The following MATN2 variants were observed in gnomAD, a reference collection of about 807,000 sequenced individuals.
MATN2 encodes matrilin 2, also known as matrilin-2.
MATN2 carries 69 observed loss-of-function variants against 103.2 expected under a neutral mutation model. The ratio of observed to expected loss-of-function variants is 0.67; its 90% CI spans 0.55 to 0.82. The LOEUF (loss-of-function observed/expected upper bound fraction) is 0.82, where lower values mean the gene tolerates loss of function less well. Ranked by LOEUF, MATN2 falls within the 40% of genes least tolerant of loss-of-function variation. MATN2 has a pLI of 0.00. For missense variants in MATN2, 1,023 were observed against 1,211.5 expected (o/e 0.84, Z 2.31); for synonymous variants, 429 against 450.2 (o/e 0.95, Z 0.60).
chr8:98,017,520 G>C (rs1586160802), intron 11 of MATN2, among the ~76,000 whole-genome samples: 1 of 152,174 alleles, frequency 6.6e-6, no homozygotes, highest in East Asian at 1.9e-4. Context: ...TGACACTTTT[G>C]GAAGAAAAGA....
At chr8:97,981,574 G>T (rs1812023993) in intron 6 of MATN2, among the ~76,000 whole-genome samples, 1 of 152,210 alleles carries the variant, frequency 6.6e-6, no homozygotes, top group African/African-American at 2.4e-5. Flanking sequence ...GTGACCAAGG[G>T]CCTACAGTGT....
intron 1 of MATN2, among the ~76,000 whole-genome samples, chr8:97,875,889 G>T (rs1818052423): frequency 2.0e-5 from 3 of 151,548 alleles, no homozygotes; most frequent in Admixed American, 6.6e-5. Context: ...TAGAGATGGG[G>T]TTTCACCGTG....
chr8:97,955,286 T>G (rs988822328), intron 4 of MATN2, among the ~76,000 whole-genome samples: 2 of 152,254 alleles, frequency 1.3e-5, no homozygotes, highest in East Asian at 3.9e-4. Context: ...GATGCTAGGC[T>G]GGGATGAATA....
At chr8:97,928,052 T>C (rs1267759215) in intron 2 of MATN2, among the ~76,000 whole-genome samples, 1 of 152,040 alleles carries the variant, frequency 6.6e-6, no homozygotes, top group Non-Finnish European at 1.5e-5. Context: ...AGTTCAGACA[T>C]GAAGGGTCGG....
At chr8:97,934,518 T>A (rs1241714985) in intron 3 of MATN2, among the ~76,000 whole-genome samples, 2 of 152,222 alleles carry the variant, frequency 1.3e-5, no homozygotes, top group South Asian at 4.1e-4. Context: ...ATTTGTTCCT[T>A]AAACATTCAT....
chr8:98,033,208 A>T, intron 17 of MATN2, 32 bp downstream of exon 17: 1 of 1,558,680 alleles, frequency 6.4e-7, no homozygotes, highest in Non-Finnish European at 8.7e-7. Flanking sequence ...CTATAAGATA[A>T]CTTGATCTCA....
chr8:97,884,976 G>T (rs1818377284), intron 1 of MATN2, among the ~76,000 whole-genome samples: 1 of 152,184 alleles, frequency 6.6e-6, no homozygotes, highest in African/African-American at 2.4e-5. Flanking sequence ...CTCAGGGTTG[G>T]ACAGCTAGCA....
chr8:97,984,808 C>CA (rs147413768), intron 6 of MATN2, among the ~76,000 whole-genome samples: 3,122 of 151,874 alleles, frequency 0.021, 99 homozygotes, highest in African/African-American at 0.069. Flanking sequence ...TTAAACAGAC[C>CA]AAAAAGAAAC....
intron 10 of MATN2, among the ~76,000 whole-genome samples, chr8:98,012,949 T>C (rs1319589222): frequency 1.3e-5 from 2 of 152,164 alleles, no homozygotes; most frequent in African/African-American, 2.4e-5. Flanking sequence ...CAAACAAGGA[T>C]ATTGCCTGGC....
At chr8:97,915,616 T>C (rs1010832699) in intron 2 of MATN2, among the ~76,000 whole-genome samples, 1 of 152,194 alleles carries the variant, frequency 6.6e-6, no homozygotes, top group Non-Finnish European at 1.5e-5. Flanking sequence ...ACCTCCTTCC[T>C]CTCCTCTCTT....
intron 5 of MATN2, among the ~76,000 whole-genome samples, chr8:97,968,031 T>C (rs1811540800): frequency 6.6e-6 from 1 of 152,252 alleles, no homozygotes; most frequent in African/African-American, 2.4e-5. Context: ...GCCTGCAGAC[T>C]TAACACCACA....
chr8:97,945,402 T>A (rs1307925347), intron 4 of MATN2, among the ~76,000 whole-genome samples: 1 of 152,048 alleles, frequency 6.6e-6, no homozygotes, highest in African/African-American at 2.4e-5. Flanking sequence ...CAAACCAGAA[T>A]CCAAATCCTG....
chr8:97,883,405 T>G (rs1818316994), intron 1 of MATN2, among the ~76,000 whole-genome samples: 1 of 152,124 alleles, frequency 6.6e-6, no homozygotes, highest in Non-Finnish European at 1.5e-5. Flanking sequence ...TTGTTTGTTT[T>G]GAGACAGAGT....
At chr8:97,894,546 T>C (rs1421797925) in intron 2 of MATN2, among the ~76,000 whole-genome samples, 2 of 152,166 alleles carry the variant, frequency 1.3e-5, no homozygotes, top group South Asian at 2.1e-4. Flanking sequence ...GGTTTCAAAT[T>C]CTTGGCCTTA....
At chr8:97,889,389 A>G (rs966730034) in intron 2 of MATN2, among the ~76,000 whole-genome samples, 2 of 151,156 alleles carry the variant, frequency 1.3e-5, no homozygotes, top group Non-Finnish European at 3.0e-5. Flanking sequence ...AGTGTTTAGT[A>G]TGTTAATTGA....
At chr8:97,895,557 T>A (rs1365569435) in intron 2 of MATN2, among the ~76,000 whole-genome samples, 1 of 152,180 alleles carries the variant, frequency 6.6e-6, no homozygotes, top group Non-Finnish European at 1.5e-5. Context: ...GTGCCAACCC[T>A]CTCTGCCTTA....
intron 7 of MATN2, among the ~76,000 whole-genome samples, chr8:97,995,989 T>C (rs1320158565): frequency 6.6e-6 from 1 of 152,244 alleles, no homozygotes; most frequent in Non-Finnish European, 1.5e-5. Context: ...GCCACTCCTC[T>C]GTGCTATTTA....
intron 3 of MATN2, among the ~76,000 whole-genome samples, chr8:97,940,988 G>A (rs1240671131): frequency 6.6e-6 from 1 of 151,568 alleles, no homozygotes; most frequent in Non-Finnish European, 1.5e-5. Flanking sequence ...GTGAAACCCT[G>A]TCTCTACAAA....
chr8:97,912,051 G>A (rs1466409296), intron 2 of MATN2, among the ~76,000 whole-genome samples: 3 of 152,356 alleles, frequency 2.0e-5, no homozygotes, highest in African/African-American at 7.2e-5. Context: ...TGGAGAATGA[G>A]TGTGGTGTGG....
Sources: allele counts gnomAD v4.1 joint callset (sites outside exome capture counted in the v4.1 genomes callset), GRCh38; gene constraint gnomAD v4.1.1; transcripts MANE v1.5; gene names NCBI Gene and HGNC (gene_info 2026-07-23, HGNC 2026-07-21).